NTPCR: variants seen among roughly 807,000 people sequenced by gnomAD.
The protein encoded by NTPCR is cancer-related nucleoside-triphosphatase.
A neutral mutation model predicts 19.5 loss-of-function variants in NTPCR; 15 were observed. That is an observed-to-expected ratio of 0.77 (90% CI 0.51 to 1.18). The LOEUF (loss-of-function observed/expected upper bound fraction) is 1.18, where lower values mean the gene tolerates loss of function less well. Among genes scored for constraint, NTPCR ranks in the 50% most tolerant of loss-of-function variants. NTPCR has a pLI of 0.00. For missense variants in NTPCR, 206 were observed against 240.4 expected, an observed-to-expected ratio of 0.86 and a Z score of 0.95; for synonymous variants, 90 against 95.8, an observed-to-expected ratio of 0.94 and a Z score of 0.36.
intron 3 of NTPCR, among the ~76,000 whole-genome samples, chr1:232,957,738 A>G (rs1429072882): frequency 6.6e-6 from 1 of 152,244 alleles, no homozygotes; most frequent in African/African-American, 2.4e-5. Flanking sequence ...CAAAACTGTT[A>G]GTCTAGTGGG....
intron 1 of NTPCR, 47 bp from the exon 2 acceptor site, chr1:232,955,510 T>TTTCCTA: frequency 6.8e-7 from 1 of 1,470,958 alleles, no homozygotes; most frequent in Non-Finnish European, 9.0e-7. Context: ...TAAGGGAATG[T>TTTCCTA]TTCCTAATGG....
At chr1:232,964,830 G>A (rs1668768081) in intron 3 of NTPCR, 1 of 152,160 alleles carries the variant, frequency 6.6e-6, no homozygotes, top group Non-Finnish European at 1.5e-5. Context: ...AGGTATCAGA[G>A]ATACTAAACA....
chr1:232,974,719 G>C (rs1669079252), intron 4 of NTPCR, among the ~76,000 whole-genome samples: 2 of 152,100 alleles, frequency 1.3e-5, no homozygotes, highest in South Asian at 2.1e-4. Flanking sequence ...CTATCCACTG[G>C]AGTTTTAGCA....
In NTPCR at chr1:232,957,393, T is replaced by A. The variant is rs966649901; in HGVS notation, c.294+950T>A. Among the ~76,000 whole-genome samples the A allele has an allele frequency of 4.6e-4, 37 of 80,902 alleles. 1 individual carries two copies. The highest frequency in any genetic ancestry group is 1.1e-4 in the Non-Finnish European group (4 of 36,212). The allele number at this position is 80,902 out of a possible 152,430, so 53.1% of individuals were successfully genotyped here. Reference sequence around the variant, plus strand: ...TCCTTATAGGTCTGTTGATTTTGTATTTTTTTGTTGAATCAGTTGTGGTAA... The same window carrying A: ...TCCTTATAGGTCTGTTGATTTTGTAATTTTTTGTTGAATCAGTTGTGGTAA... On this transcript the variant is annotated intron_variant, in intron 3 of 4. Coordinates refer to ENST00000366628, the MANE Select transcript of NTPCR (RefSeq NM_032324.3).
chr1:232,974,071 A>C (rs937021885), intron 4 of NTPCR, among the ~76,000 whole-genome samples: 1 of 152,246 alleles, frequency 6.6e-6, no homozygotes, highest in African/African-American at 2.4e-5. Flanking sequence ...AGTGAACCCC[A>C]AGAGGATAAA....
At chr1:232,969,744 C>T (rs933017326) in intron 3 of NTPCR, 165 bp from the exon 4 acceptor site, 2 of 583,102 alleles carry the variant, frequency 3.4e-6, no homozygotes, top group African/African-American at 1.9e-5. Context: ...CAGTCCCCTC[C>T]CACACAGTAC....
intron 3 of NTPCR, chr1:232,965,880 G>A (rs1571961310): frequency 6.6e-6 from 1 of 152,250 alleles, no homozygotes; most frequent in Non-Finnish European, 1.5e-5. Flanking sequence ...TCCAGGAAGA[G>A]CCTCAGAGCT....
chr1:232,970,456 C>T (rs1317109026), intron 4 of NTPCR, among the ~76,000 whole-genome samples: 1 of 152,102 alleles, frequency 6.6e-6, no homozygotes, highest in African/African-American at 2.4e-5. Flanking sequence ...TGAAAGGCGC[C>T]AGGTTGGGAT....
intron 1 of NTPCR, among the ~76,000 whole-genome samples, chr1:232,952,527 T>C (rs1571950179): frequency 1.3e-5 from 2 of 151,978 alleles, no homozygotes; most frequent in Admixed American, 6.6e-5. Flanking sequence ...CCTCTTCTTA[T>C]TGAGACAGGG....
chr1:232,954,120 T>C (rs1448490722), intron 1 of NTPCR, among the ~76,000 whole-genome samples: 8 of 152,228 alleles, frequency 5.3e-5, no homozygotes, highest in Non-Finnish European at 1.2e-4. Context: ...CATTCGGCAA[T>C]GCCATTACTT....
In NTPCR at chr1:232,978,575, CAGGGGAAGCGGG is replaced by C; in HGVS notation, c.*348_*359del. On this transcript the variant is annotated 3_prime_UTR_variant, in exon 5 of 5. Transcript: ENST00000366628. Reference sequence around the variant, plus strand: ...CCCCGTTGAAGTTTATAAATGTGTTCAGGGGAAGCGGGAGGAAAGAGTTCACTGCCTAATCAG... The same window carrying C: ...CCCCGTTGAAGTTTATAAATGTGTTCAGGAAAGAGTTCACTGCCTAATCAG... 1 of 181,140 alleles carries C rather than the reference CAGGGGAAGCGGG, an allele frequency of 5.5e-6. No homozygotes were observed. The highest frequency in any genetic ancestry group is 1.6e-4 in the South Asian group (1 of 6,438). The allele number at this position is 181,140 out of a possible 1,614,324, so 11.2% of individuals were successfully genotyped here. A position where few individuals can be genotyped will look rare whatever the true frequency, so the allele number is the denominator to read the frequency against.
Position 232,978,215 on chromosome 1 carries a change from A to G in NTPCR, c.557A>G (p.Gln186Arg). 6.2e-7 allele frequency: 1 copy of G among 1,614,186 alleles called. No homozygotes were observed. The change falls in exon 5 of 5, where the codon CAG becomes CGG. Residue 186 changes from glutamine (Q) to arginine (R), a missense_variant. Gln to Arg is a conservative substitution (Grantham distance 43, BLOSUM62 1). Transcript: ENST00000366628. ...CTGCCAGATATCGTGACGTGCGTGC[A>G]GAGCAGCAGGAAGTGAAGACACGTG... is the stretch of plus-strand genomic sequence containing the variant. Reference protein sequence around the residue: ...HLLPDIVTCVQSSRK With the variant: ...HLLPDIVTCVRSSRK
At chr1:232,974,943 T>C (rs1390504001) in intron 4 of NTPCR, among the ~76,000 whole-genome samples, 1 of 152,246 alleles carries the variant, frequency 6.6e-6, no homozygotes, top group Non-Finnish European at 1.5e-5. Flanking sequence ...AGGTGACTTA[T>C]GGGTTCTTCA....
At chr1:232,966,067 T>C (rs918077466) in intron 3 of NTPCR, 1 of 152,170 alleles carries the variant, frequency 6.6e-6, no homozygotes, top group Non-Finnish European at 1.5e-5. Flanking sequence ...AGCAAAGGGA[T>C]TATGAGACTT....
chr1:232,958,948 A>G (rs1668591719), intron 3 of NTPCR, among the ~76,000 whole-genome samples: 1 of 152,242 alleles, frequency 6.6e-6, no homozygotes, highest in Non-Finnish European at 1.5e-5. Flanking sequence ...ATAAGAGATC[A>G]TATGCTGACC....
chr1:232,974,410 A>G (rs773270281), intron 4 of NTPCR, among the ~76,000 whole-genome samples: 47 of 152,354 alleles, frequency 3.1e-4, no homozygotes, highest in Non-Finnish European at 5.1e-4. Context: ...GAAGGAAGAA[A>G]GAACAATGGG....
chr1:232,974,891 T>C (rs1669084174), intron 4 of NTPCR, among the ~76,000 whole-genome samples: 1 of 152,240 alleles, frequency 6.6e-6, no homozygotes, highest in African/African-American at 2.4e-5. Flanking sequence ...GGGGGTTAAG[T>C]TTCCAACACA....
At chr1:232,955,408 T>C in intron 1 of NTPCR, 149 bp from the exon 2 acceptor site, 1 of 559,416 alleles carries the variant, frequency 1.8e-6, no homozygotes, top group Non-Finnish European at 2.9e-6. Flanking sequence ...CAAAATTAAA[T>C]TGAAGTTCAT....
intron 2 of NTPCR, 97 bp downstream of exon 2, chr1:232,955,816 A>G: frequency 2.4e-6 from 3 of 1,231,794 alleles, no homozygotes; most frequent in Non-Finnish European, 3.5e-6. Flanking sequence ...CACCAAAAGC[A>G]GATACTCTGT....
Sources: gnomAD v4.1 joint callset for allele counts (sites outside exome capture counted in the v4.1 genomes callset) on GRCh38, gnomAD v4.1.1 for gene constraint, MANE v1.5 for transcripts, NCBI Gene and HGNC (gene_info 2026-07-23, HGNC 2026-07-21) for gene names.